STPG2: variants seen among roughly 807,000 people sequenced by gnomAD.
The protein encoded by STPG2 is sperm tail PG-rich repeat containing 2.
A neutral mutation model predicts 54.2 loss-of-function variants in STPG2; 56 were observed. That is an observed-to-expected ratio of 1.03 (90% CI 0.83 to 1.29). The LOEUF is 1.29. Among genes scored for constraint, STPG2 ranks in the 50% most tolerant of loss-of-function variants. The pLI, the probability that STPG2 is intolerant of heterozygous loss-of-function variation, is 0.00. For synonymous variants in STPG2, 200 were observed against 181.8 expected (o/e 1.10, Z -0.81); for missense variants, 596 against 544.9 (o/e 1.09, Z -0.93).
Position 98,022,445 on chromosome 4 carries a change from C to T in STPG2, c.613-41127G>A, listed in dbSNP as rs868459101. 4.2e-3 allele frequency among the ~76,000 whole-genome samples: 641 copies of T among 152,098 alleles called. 7 individuals carry two copies. The highest frequency in any genetic ancestry group is 0.015 in the African/African-American group (610 of 41,508). On this transcript the variant is annotated intron_variant, in intron 5 of 10. Transcript: ENST00000295268. ...ACGTGACCTTTCTCTCTGGCTGCCCCTAACATTTTTTCCTTCATTTCAACT... is the reference window on the plus strand; with the variant it reads ...ACGTGACCTTTCTCTCTGGCTGCCCTTAACATTTTTTCCTTCATTTCAACT...
At chr4:97,802,760 C>T (rs560526126) in intron 9 of STPG2, among the ~76,000 whole-genome samples, 17 of 152,188 alleles carry the variant, frequency 1.1e-4, no homozygotes, top group Admixed American at 7.9e-4. Context: ...TGTGAGCCAC[C>T]GCGCCCGGCC....
intron 4 of STPG2, among the ~76,000 whole-genome samples, chr4:97,520,760 G>A (rs933952163): frequency 2.6e-5 from 4 of 151,886 alleles, no homozygotes; most frequent in African/African-American, 4.8e-5. Context: ...AGGCACTCAC[G>A]AGAAACACAA....
In STPG2 at chr4:97,463,760, T is replaced by C. The variant is rs543965066; in HGVS notation, c.462+248939A>G. 1.1e-4 allele frequency among the ~76,000 whole-genome samples: 17 copies of C among 152,342 alleles called. No homozygotes were observed. In the South Asian group the frequency reaches 3.1e-3, roughly 28 times the overall value. On this transcript the variant is annotated intron_variant, in intron 4 of 4. Coordinates refer to the STPG2 transcript ENST00000522676. ...CCACTATACTCGGCCTCTCCTATTG[T>C]TATTATCTTACATTAGTATATTTGT...
intron 10 of STPG2, among the ~76,000 whole-genome samples, chr4:97,653,271 A>T (rs1722127046): frequency 6.6e-6 from 1 of 151,942 alleles, no homozygotes; most frequent in South Asian, 2.1e-4. Flanking sequence ...AAGATAAATT[A>T]GTTTTCCTTA....
At chr4:97,517,379 T>C (rs1247374800) in intron 4 of STPG2, among the ~76,000 whole-genome samples, 1 of 152,074 alleles carries the variant, frequency 6.6e-6, no homozygotes, top group Non-Finnish European at 1.5e-5. Context: ...GTTCTGGACA[T>C]TGACATTAAT....
intron 5 of STPG2, among the ~76,000 whole-genome samples, chr4:97,990,863 A>T (rs1334860063): frequency 6.6e-6 from 1 of 152,154 alleles, no homozygotes; most frequent in African/African-American, 2.4e-5. Flanking sequence ...TGGGGAAAAA[A>T]CATACAGTTT....
At chr4:97,872,156 T>C (rs1408904975) in intron 8 of STPG2, among the ~76,000 whole-genome samples, 1 of 151,092 alleles carries the variant, frequency 6.6e-6, no homozygotes, top group Non-Finnish European at 1.5e-5. Flanking sequence ...GATAAAAATA[T>C]ATATGCTTAG....
rs150038569 is a variant in STPG2 at position 97,895,816 on chromosome 4, G to A, written c.1044+48081C>T. ...CAATGGCTCTCAATCCTGTCTGTGG[G>A]AATCACTTGGAGAGGTTTATAAAAT... On this transcript the variant is annotated intron_variant, in intron 8 of 10. Transcript: ENST00000295268. Among the ~76,000 whole-genome samples the A allele has an allele frequency of 2.6e-3, 392 of 151,858 alleles. 3 individuals are homozygous for A. Among genetic ancestry groups the A allele is most frequent in the African/African-American group, 8.8e-3 (366 of 41,496 alleles).
intron 5 of STPG2, among the ~76,000 whole-genome samples, chr4:98,043,943 G>GC (rs1284491938): frequency 6.6e-6 from 1 of 151,660 alleles, no homozygotes; most frequent in Non-Finnish European, 1.5e-5. Context: ...CCTCAAGTAG[G>GC]CCCCAGTGTC....
chr4:98,088,624 T>C (rs1169610925), intron 5 of STPG2, among the ~76,000 whole-genome samples: 2 of 140,376 alleles, frequency 1.4e-5, no homozygotes, highest in Non-Finnish European at 3.1e-5. Flanking sequence ...GTAAATAATA[T>C]ACATAGAAAA....
intron 9 of STPG2, among the ~76,000 whole-genome samples, chr4:97,775,735 A>C (rs1266810433): frequency 1.3e-5 from 2 of 152,198 alleles, no homozygotes; most frequent in Non-Finnish European, 2.9e-5. Flanking sequence ...TAAAATTGCT[A>C]GTGGGAGCAA....
chr4:97,942,618 C>T (rs549038550), intron 8 of STPG2, among the ~76,000 whole-genome samples: 38 of 152,090 alleles, frequency 2.5e-4, no homozygotes, highest in South Asian at 1.0e-3. Flanking sequence ...TAGCTTTCAC[C>T]AAATTAATCT....
intron 4 of STPG2, among the ~76,000 whole-genome samples, chr4:97,476,498 T>C (rs2148818017): frequency 6.6e-6 from 1 of 152,298 alleles, no homozygotes; most frequent in South Asian, 2.1e-4. Context: ...TTTCTCTGCT[T>C]ACTTGATTAT....
chr4:97,762,596 CA>C (rs1725921887), intron 9 of STPG2, among the ~76,000 whole-genome samples: 1 of 152,042 alleles, frequency 6.6e-6, no homozygotes, highest in Non-Finnish European at 1.5e-5. Flanking sequence ...GGAAAACATA[CA>C]GGGAGAAAAT....
At chr4:97,735,879 A>G (rs191991647) in intron 9 of STPG2, among the ~76,000 whole-genome samples, 65 of 152,276 alleles carry the variant, frequency 4.3e-4, no homozygotes, top group Admixed American at 2.4e-3. Flanking sequence ...AAAAATGGGC[A>G]AAGGACCTAA....
chr4:98,004,597 T>C (rs532373901), intron 5 of STPG2, among the ~76,000 whole-genome samples: 50 of 152,316 alleles, frequency 3.3e-4, no homozygotes, highest in African/African-American at 1.2e-3. Flanking sequence ...CAATTTATGT[T>C]CCTAACAACA....
chr4:97,909,204 T>A (rs1414101251), intron 8 of STPG2, among the ~76,000 whole-genome samples: 1 of 151,490 alleles, frequency 6.6e-6, no homozygotes, highest in African/African-American at 2.4e-5. Context: ...CTAGAAACAT[T>A]AAAAATAATA....
Position 97,494,150 on chromosome 4 carries a change from A to T in STPG2, c.462+218549T>A, listed in dbSNP as rs529328320. On this transcript the variant is annotated intron_variant, in intron 4 of 4. Transcript: ENST00000522676. ...ATTATGTCAAATGGAGTAAATTTAT[A>T]ATTTGGTATCTAGAAAACCTATGAG... 7.3e-5 allele frequency among the ~76,000 whole-genome samples: 11 copies of T among 151,674 alleles called. No homozygotes were observed. In the South Asian group the frequency reaches 1.9e-3, roughly 26 times the overall value.
intron 10 of STPG2, among the ~76,000 whole-genome samples, chr4:97,604,771 C>T (rs922826632): frequency 6.6e-6 from 1 of 151,704 alleles, no homozygotes; most frequent in Non-Finnish European, 1.5e-5. Flanking sequence ...AAAAAGGCTG[C>T]TTCTGATTTA....
Sources: gnomAD v4.1 joint callset for allele counts (sites outside exome capture counted in the v4.1 genomes callset) on GRCh38, gnomAD v4.1.1 for gene constraint, MANE v1.5 for transcripts, NCBI Gene and HGNC (gene_info 2026-07-23, HGNC 2026-07-21) for gene names.